ISM1: variants seen among roughly 807,000 people sequenced by gnomAD.
ISM1 encodes the protein isthmin 1.
In ISM1, 25 loss-of-function variants were observed where a neutral mutation model predicts 46.3. That is an observed-to-expected ratio of 0.54 (90% CI 0.39 to 0.75). The LOEUF is 0.75. Ranked by LOEUF, ISM1 falls within the 30% of genes least tolerant of loss-of-function variation. The probability of loss-of-function intolerance (pLI) is 0.00; values close to 1 mark genes in which losing one functional copy is unlikely to be tolerated. For synonymous variants in ISM1, 255 were observed against 256.7 expected (o/e 0.99, Z 0.06); for missense variants, 536 against 625.4 (o/e 0.86, Z 1.52).
chr20:13,264,280 GTA>G (rs2123230977), intron 1 of ISM1, among the ~76,000 whole-genome samples: 1 of 152,264 alleles, frequency 6.6e-6, no homozygotes, highest in Admixed American at 6.5e-5. Context: ...AAGAGAAAAA[GTA>G]CTAAACTTTC....
At chr20:13,318,488 A>G in the ISM1 span, among the ~76,000 whole-genome samples, 2 of 152,224 alleles carry the variant, frequency 1.3e-5, no homozygotes, top group South Asian at 2.1e-4. Flanking sequence ...TATTTACCCA[A>G]AAAACTTGAA....
the ISM1 span, among the ~76,000 whole-genome samples, chr20:13,313,463 G>A: frequency 6.6e-6 from 1 of 152,156 alleles, no homozygotes; most frequent in South Asian, 2.1e-4. Context: ...GTAGTCAATT[G>A]GGCTGTTTCT....
At chr20:13,286,087 T>C (rs1033482664) in intron 3 of ISM1, among the ~76,000 whole-genome samples, 3 of 152,218 alleles carry the variant, frequency 2.0e-5, no homozygotes, top group African/African-American at 7.2e-5. Context: ...ATTCCCCCTT[T>C]TTATGAGTAT....
At chr20:13,282,983 C>T (rs774562071) in intron 3 of ISM1, among the ~76,000 whole-genome samples, 81 of 152,144 alleles carry the variant, frequency 5.3e-4, no homozygotes, top group African/African-American at 1.6e-3. Flanking sequence ...TCATCTTTTC[C>T]GGAATTCCAT....
intron 2 of ISM1, among the ~76,000 whole-genome samples, chr20:13,273,214 T>TA (rs2040135545): frequency 2.0e-5 from 3 of 148,392 alleles, no homozygotes; most frequent in Non-Finnish European, 3.0e-5. Flanking sequence ...CACTTGGGTC[T>TA]TTTTTATTTT....
intron 4 of ISM1, among the ~76,000 whole-genome samples, chr20:13,290,612 C>T (rs192436449): frequency 2.6e-5 from 4 of 152,068 alleles, no homozygotes; most frequent in East Asian, 3.9e-4. Context: ...GAGCCGAGAT[C>T]GGGCCACTGC....
intron 1 of ISM1, among the ~76,000 whole-genome samples, chr20:13,250,364 T>C (rs540535801): frequency 1.3e-5 from 2 of 152,262 alleles, no homozygotes; most frequent in African/African-American, 4.8e-5. Flanking sequence ...CGATTCAGCT[T>C]GCGGAGAATT....
chr20:13,225,700 T>C (rs1358457356), intron 1 of ISM1, among the ~76,000 whole-genome samples: 1 of 152,202 alleles, frequency 6.6e-6, no homozygotes, highest in Non-Finnish European at 1.5e-5. Context: ...TTTTAAAATA[T>C]CTAGTAAGAA....
At chr20:13,249,763 C>T (rs1409533654) in intron 1 of ISM1, among the ~76,000 whole-genome samples, 2 of 151,448 alleles carry the variant, frequency 1.3e-5, no homozygotes, top group African/African-American at 4.9e-5. Flanking sequence ...TTCTCAGCCT[C>T]CATCATTTTT....
intron 1 of ISM1, among the ~76,000 whole-genome samples, chr20:13,264,746 G>A (rs923602696): frequency 6.6e-6 from 1 of 152,212 alleles, no homozygotes. Flanking sequence ...GATGTACTCA[G>A]TATAAAGGAC....
chr20:13,224,128 A>G (rs2039485490), intron 1 of ISM1, among the ~76,000 whole-genome samples: 1 of 152,166 alleles, frequency 6.6e-6, no homozygotes, highest in Non-Finnish European at 1.5e-5. Context: ...GTAGCTGCTA[A>G]TCCACCAGCT....
At chr20:13,317,731 A>C in the ISM1 span, among the ~76,000 whole-genome samples, 1 of 152,154 alleles carries the variant, frequency 6.6e-6, no homozygotes, top group Non-Finnish European at 1.5e-5. Flanking sequence ...AAAAGTGAGC[A>C]TTCACATGCA....
At chr20:13,295,734 A>G (rs2327771) in intron 5 of ISM1, among the ~76,000 whole-genome samples, 58,000 of 152,176 alleles carry the variant, frequency 0.38, 11,298 homozygotes, top group African/African-American at 0.46. Context: ...AGGCTCAGCC[A>G]TGCTGACTGG....
intron 2 of ISM1, among the ~76,000 whole-genome samples, chr20:13,276,602 A>G (rs2040182826): frequency 6.6e-6 from 1 of 152,192 alleles, no homozygotes; most frequent in Non-Finnish European, 1.5e-5. Context: ...AAAAAAATAT[A>G]CTAAGACACT....
chr20:13,221,525 C>A lies in ISM1; in HGVS notation c.-252C>A, dbSNP rs1327585818. Among the ~76,000 whole-genome samples the A allele has an allele frequency of 1.4e-5, 2 of 144,500 alleles. No individual in the cohort carries two copies. The highest frequency in any genetic ancestry group is 5.0e-5 in the African/African-American group (2 of 40,280). The allele number at this position is 144,500 out of a possible 152,430, so 94.8% of individuals were successfully genotyped here. ...TTGCTCCGCAGCCGGCTTGGACACC[C>A]CCGGCCTCGCGGTGGCTCCGCCGTG... is the stretch of plus-strand genomic sequence containing the variant. On this transcript the variant is annotated 5_prime_UTR_variant, in exon 1 of 6. Transcript: ENST00000262487.
In ISM1 at chr20:13,275,723, C is replaced by G. The variant is rs1004906481; in HGVS notation, c.379-3911C>G. On this transcript the variant is annotated intron_variant, in intron 2 of 5. Coordinates refer to ENST00000262487, the MANE Select transcript of ISM1 (RefSeq NM_080826.2). ...CCATATGAAGTGCTTAGCACAGGGC[C>G]CAGTATAGGATAAGCTTCCTAGAAC... is the stretch of plus-strand genomic sequence containing the variant. Among the ~76,000 whole-genome samples the G allele has an allele frequency of 2.6e-5, 4 of 152,208 alleles. No homozygotes were observed. The South Asian group carries it at 8.3e-4, about 32-fold the overall frequency.
intron 1 of ISM1, among the ~76,000 whole-genome samples, chr20:13,259,114 C>G (rs1392284636): frequency 6.6e-6 from 1 of 152,058 alleles, no homozygotes; most frequent in Non-Finnish European, 1.5e-5. Context: ...GAAACCCCGT[C>G]TCTACTAAAA....
chr20:13,326,297 G>T, the ISM1 span, among the ~76,000 whole-genome samples: 1 of 152,138 alleles, frequency 6.6e-6, no homozygotes, highest in African/African-American at 2.4e-5. Context: ...ATTTTTATGT[G>T]CACCTAAGAT....
chr20:13,320,045 C>T, the ISM1 span, among the ~76,000 whole-genome samples: 1 of 152,226 alleles, frequency 6.6e-6, no homozygotes, highest in Non-Finnish European at 1.5e-5. Flanking sequence ...TGACCCAACA[C>T]CCCAAAGTCA....
Sources: gnomAD v4.1 joint callset for allele counts (sites outside exome capture counted in the v4.1 genomes callset) on GRCh38, gnomAD v4.1.1 for gene constraint, MANE v1.5 for transcripts, NCBI Gene and HGNC (gene_info 2026-07-23, HGNC 2026-07-21) for gene names.